PITX1: variants seen among roughly 807,000 people sequenced by gnomAD.
PITX1 encodes the protein pituitary homeobox 1.
PITX1 carries 5 observed loss-of-function variants against 24.1 expected under a neutral mutation model. The ratio of observed to expected loss-of-function variants is 0.21; its 90% CI spans 0.11 to 0.44. The LOEUF is 0.44. PITX1 is among the 20% of genes least tolerant of loss of function. PITX1 has a pLI of 0.99. For synonymous variants in PITX1, 213 were observed against 208.9 expected (o/e 1.02, Z -0.17); for missense variants, 401 against 455.4 (o/e 0.88, Z 1.09).
rs752690307 is a variant in PITX1 at position 135,033,813 on chromosome 5, TGGC to T, written c.66_68del (p.Pro24del). 4.3e-5 allele frequency: 67 copies of T among 1,553,064 alleles called. No individual in the cohort carries two copies. Among genetic ancestry groups the T allele is most frequent in the Admixed American group, 2.8e-4 (15 of 54,268 alleles). Reference sequence around the variant, plus strand: ...GGAAGGCGGGCCCCATGTCATGGGGTGGCGGCGGCGGCGGCCGGAGCCCCTCCG... The same window carrying T: ...GGAAGGCGGGCCCCATGTCATGGGGTGGCGGCGGCGGCCGGAGCCCCTCCG... On this transcript the variant is annotated inframe_deletion, in exon 1 of 3. Transcript: ENST00000265340. The surrounding 1 kb of genome is among the most constrained non-coding windows in gnomAD (Gnocchi z 5.9).
In PITX1 at chr5:135,033,317, T is replaced by A; in HGVS notation, c.169+396A>T. ...CACGGTGTTAACCTCCCTCTCTGTCTCTCTGAGTGCGTTCTCTCGCCCGTC... is the reference window on the plus strand; with the variant it reads ...CACGGTGTTAACCTCCCTCTCTGTCACTCTGAGTGCGTTCTCTCGCCCGTC... On this transcript the variant is annotated intron_variant, in intron 1 of 2. Coordinates refer to ENST00000265340, the MANE Select transcript of PITX1 (RefSeq NM_002653.5). The surrounding 1 kb of genome is among the most constrained non-coding windows in gnomAD (Gnocchi z 5.9). The A allele has an allele frequency of 3.5e-6, 1 of 287,060 alleles. No individual in the cohort carries two copies. The highest frequency in any genetic ancestry group is 6.7e-6 in the Non-Finnish European group (1 of 149,514). 17.8% of individuals were successfully genotyped at this position (287,060 alleles called of 1,614,324 possible).
chr5:135,032,992 C>A (rs1315324519), intron 1 of PITX1: 2 of 449,856 alleles, frequency 4.4e-6, no homozygotes, highest in Non-Finnish European at 8.9e-6. Context: ...CGGCCACCCG[C>A]GGGCCCAGTT....
chr5:135,030,657 G>C (rs1189658469), intron 2 of PITX1, among the ~76,000 whole-genome samples: 4 of 152,206 alleles, frequency 2.6e-5, no homozygotes, highest in Non-Finnish European at 5.9e-5. Flanking sequence ...AGGACATTTG[G>C]CTCCCGGAGC....
rs1752441057 is a variant in PITX1, at chr5:135,031,261, G to A, written c.402+15C>T. ...CCTCTGCGCGGGTGCCCTTAGGCGC[G>A]CACCCCTTGCTCACCCGCACGCGCG... On this transcript the variant is annotated intron_variant, in intron 2 of 2. Transcript: ENST00000265340. 3.1e-6 allele frequency: 5 copies of A among 1,608,894 alleles called. No individual in the cohort carries two copies. In the South Asian group the frequency reaches 5.5e-5, roughly 18 times the overall value.
chr5:135,031,254 T>TAG (rs1179086006), intron 2 of PITX1, 22 bp downstream of exon 2: 3 of 1,600,572 alleles, frequency 1.9e-6, no homozygotes, highest in Non-Finnish European at 2.6e-6. Flanking sequence ...CGGGTGCCCT[T>TAG]AGGCGCGCAC....
chr5:135,032,718 TAAAAC>T (rs1449667576), intron 1 of PITX1: 4 of 218,370 alleles, frequency 1.8e-5, no homozygotes, highest in Admixed American at 1.1e-4. Flanking sequence ...GTTTTAAAAA[TAAAAC>T]CAACCAAAGA....
chr5:135,032,156 T>TA (rs1324900624), intron 1 of PITX1: 1 of 152,104 alleles, frequency 6.6e-6, no homozygotes, highest in African/African-American at 2.4e-5. Flanking sequence ...AAAAAGAGTT[T>TA]AAAAACAAAA....
Position 135,033,537 on chromosome 5 carries a change from G to A in PITX1, c.169+176C>T, listed in dbSNP as rs1752502223. On this transcript the variant is annotated intron_variant, in intron 1 of 2. Transcript: ENST00000265340. The surrounding 1 kb of genome is among the most constrained non-coding windows in gnomAD (Gnocchi z 5.9). ...GGACCGCGTGGAAGTGCCTTCGCGTGTGCGTAAGTTTCCGCGTTCACCGTC... is the reference window on the plus strand; with the variant it reads ...GGACCGCGTGGAAGTGCCTTCGCGTATGCGTAAGTTTCCGCGTTCACCGTC... 1 of 664,538 alleles carries A rather than the reference G, an allele frequency of 1.5e-6. No individual in the cohort carries two copies. Among genetic ancestry groups the A allele is most frequent in the South Asian group, 1.8e-5 (1 of 54,074 alleles). 41.2% of individuals were successfully genotyped at this position (664,538 alleles called of 1,614,324 possible). A position where few individuals can be genotyped will look rare whatever the true frequency, so the allele number is the denominator to read the frequency against.
chr5:135,028,388 C>T lies in PITX1; in HGVS notation c.*391G>A, dbSNP rs1752384676. On this transcript the variant is annotated 3_prime_UTR_variant, in exon 3 of 3. Transcript: ENST00000265340. ...GCGGGGACGCGGGATACGAGGTCGT[C>T]CTCCCCCGGCCGCTGGGCCTCGGCG... is the stretch of plus-strand genomic sequence containing the variant. The T allele has an allele frequency of 6.5e-6, 1 of 154,998 alleles. No homozygotes were observed. Among genetic ancestry groups the T allele is most frequent in the Non-Finnish European group, 1.4e-5 (1 of 69,960 alleles). The allele number at this position is 154,998 out of a possible 1,614,324, so 9.6% of individuals were successfully genotyped here. A position where few individuals can be genotyped will look rare whatever the true frequency, so the allele number is the denominator to read the frequency against.
At position 135,029,089 on chromosome 5, in the gene PITX1, G is replaced by T. The variant is rs1752404102; in HGVS notation, c.635C>A (p.Ser212Tyr). 3 of 1,614,250 alleles carry T rather than the reference G, an allele frequency of 1.9e-6. No individual in the cohort carries two copies. The highest frequency in any genetic ancestry group is 2.5e-6 in the Non-Finnish European group (3 of 1,180,042). The change falls in exon 3 of 3, where the codon TCC (serine) becomes TAC (tyrosine). Residue 212 changes from serine (S) to tyrosine (Y), a missense_variant. Ser to Tyr is a moderately radical substitution (Grantham distance 144). Coordinates refer to ENST00000265340, the MANE Select transcript of PITX1 (RefSeq NM_002653.5). ...GATGGAGCTGGGTGCTGAGAACATG[G>T]ACTGCGACGACAGCGGGCTCATGGA... is the stretch of plus-strand genomic sequence containing the variant. ...FNSMSPLSSQ[S>Y]MFSAPSSISS...
Position 135,033,884 on chromosome 5 carries a change from A to G in PITX1, c.-3T>C, listed in dbSNP as rs922252033. 5.7e-6 allele frequency: 8 copies of G among 1,392,262 alleles called. No homozygotes were observed. Among genetic ancestry groups the G allele is most frequent in the Middle Eastern group, 2.6e-4 (1 of 3,818 alleles). The allele number at this position is 1,392,262 out of a possible 1,614,324, so 86.2% of individuals were successfully genotyped here. On this transcript the variant is annotated 5_prime_UTR_variant, in exon 1 of 3. Transcript: ENST00000265340. The surrounding 1 kb of genome is among the most constrained non-coding windows in gnomAD (Gnocchi z 5.9). ...ATGCCCCCCTTGAAGGCGTCCATGG[A>G]GGTGGGGACCGCGGCGGGCGCTCCA...
intron 2 of PITX1, among the ~76,000 whole-genome samples, chr5:135,029,670 C>G (rs189462632): frequency 3.3e-5 from 5 of 152,352 alleles, no homozygotes; most frequent in African/African-American, 1.2e-4. Flanking sequence ...ATATTTCAGT[C>G]TTTTTATTCT....
At chr5:135,029,728 C>A (rs563009377) in intron 2 of PITX1, among the ~76,000 whole-genome samples, 3 of 152,160 alleles carry the variant, frequency 2.0e-5, no homozygotes, top group Admixed American at 1.3e-4. Context: ...TAGGACTTTC[C>A]GACTCCCCCA....
chr5:135,027,920 A>T lies in PITX1; in HGVS notation c.*859T>A, dbSNP rs914846487. On this transcript the variant is annotated 3_prime_UTR_variant, in exon 3 of 3. Transcript: ENST00000265340. ...CTTGCTCTGCCGGCTCGACTCTTGC[A>T]CGGCGGGCGGTGAGGAGGGGGCTGT... The T allele has an allele frequency of 6.6e-6, 1 of 152,416 alleles. No individual in the cohort carries two copies. Among genetic ancestry groups the T allele is most frequent in the Non-Finnish European group, 1.5e-5 (1 of 68,004 alleles). The allele number at this position is 152,416 out of a possible 1,614,324, so 9.4% of individuals were successfully genotyped here.
Position 135,033,293 on chromosome 5 carries a change from A to G in PITX1, c.169+420T>C. On this transcript the variant is annotated intron_variant, in intron 1 of 2. Transcript: ENST00000265340. This position sits in a 1 kb window ranked among gnomAD's most constrained non-coding sequence, Gnocchi z 5.9. ...CTCTTTCATTCTGTCGCCTACTGTC[A>G]CGGTGTTAACCTCCCTCTCTGTCTC... The G allele has an allele frequency of 3.9e-6, 1 of 259,438 alleles. No homozygotes were observed. Among genetic ancestry groups the G allele is most frequent in the South Asian group, 3.0e-5 (1 of 32,970 alleles). The allele number at this position is 259,438 out of a possible 1,614,324, so 16.1% of individuals were successfully genotyped here. A position where few individuals can be genotyped will look rare whatever the true frequency, so the allele number is the denominator to read the frequency against.
Sources: allele counts gnomAD v4.1 joint callset (sites outside exome capture counted in the v4.1 genomes callset), GRCh38; gene constraint gnomAD v4.1.1; non-coding constraint Gnocchi (gnomAD v3.1); transcripts MANE v1.5; gene names NCBI Gene and HGNC (gene_info 2026-07-23, HGNC 2026-07-21).